OSBPL1A: variants seen among roughly 807,000 people sequenced by gnomAD.
OSBPL1A encodes oxysterol-binding protein-related protein 1.
Under a neutral mutation model 137.1 loss-of-function variants are expected in OSBPL1A, and 80 were observed. The ratio of observed to expected loss-of-function variants is 0.58; its 90% confidence interval spans 0.49 to 0.70. The LOEUF (loss-of-function observed/expected upper bound fraction) is 0.70. Among genes scored for constraint, OSBPL1A ranks in the 30% least tolerant of loss-of-function variants. The pLI is 0.00. For synonymous variants in OSBPL1A, 365 were observed against 389.7 expected, an observed-to-expected ratio of 0.94 and a Z score of 0.75; for missense variants, 970 against 1,129.4, an observed-to-expected ratio of 0.86 and a Z score of 2.02.
rs559973675 is a variant in OSBPL1A, at chr18:24,259,938, G to T, written c.1282-20556C>A. Among the ~76,000 whole-genome samples, 31 of 152,172 alleles carry T rather than the reference G, an allele frequency of 2.0e-4. 1 individual carries two copies. The highest frequency in any genetic ancestry group is 1.8e-3 in the Admixed American group (28 of 15,292). ...TTTGCAAATCATATATCTAACAAGG[G>T]TCTAGTATCTACAATATATACACAA... On this transcript the variant is annotated intron_variant, in intron 15 of 27. Transcript: ENST00000319481.
chr18:24,331,688 G>A (rs1243690931), intron 7 of OSBPL1A, among the ~76,000 whole-genome samples: 9 of 150,510 alleles, frequency 6.0e-5, no homozygotes, highest in East Asian at 3.9e-4. Context: ...GAGCCACCGC[G>A]CCCGGCGGCA....
intron 16 of OSBPL1A, among the ~76,000 whole-genome samples, chr18:24,226,887 ATTT>A (rs5823416): frequency 8.9e-5 from 9 of 100,850 alleles, no homozygotes; most frequent in Non-Finnish European, 9.7e-5. Flanking sequence ...AAAGAAACAG[ATTT>A]TTTTTTTTTT....
intron 14 of OSBPL1A, among the ~76,000 whole-genome samples, chr18:24,285,614 TCCTTAC>T (rs1368901064): frequency 2.0e-5 from 3 of 152,306 alleles, no homozygotes; most frequent in African/African-American, 7.2e-5. Context: ...TATTTCCCCA[TCCTTAC>T]CCTTCTGGTA....
intron 24 of OSBPL1A, among the ~76,000 whole-genome samples, chr18:24,168,385 T>C (rs2086193972): frequency 6.6e-6 from 1 of 152,176 alleles, no homozygotes; most frequent in South Asian, 2.1e-4. Context: ...CAACTAAATG[T>C]ATCGATGCCA....
intron 15 of OSBPL1A, among the ~76,000 whole-genome samples, chr18:24,273,974 C>T (rs2089784754): frequency 6.6e-6 from 1 of 152,140 alleles, no homozygotes; most frequent in South Asian, 2.1e-4. Flanking sequence ...TGGCTCACAC[C>T]TATAATCCCA....
chr18:24,202,710 G>C (rs896808652), intron 17 of OSBPL1A, among the ~76,000 whole-genome samples: 2 of 152,098 alleles, frequency 1.3e-5, no homozygotes, highest in African/African-American at 4.8e-5. Flanking sequence ...AGAACAAAAG[G>C]TAAATTTCTT....
chr18:24,165,778 T>C (rs746019042), intron 26 of OSBPL1A, among the ~76,000 whole-genome samples: 40 of 152,228 alleles, frequency 2.6e-4, no homozygotes, highest in Non-Finnish European at 4.9e-4. Context: ...TGAGAACCAC[T>C]GAGTTGGAAG....
At chr18:24,290,899 C>T (rs867055399) in intron 14 of OSBPL1A, among the ~76,000 whole-genome samples, 1 of 152,050 alleles carries the variant, frequency 6.6e-6, no homozygotes, top group African/African-American at 2.4e-5. Context: ...CTTGCCTAAG[C>T]TCTGGGTGGG....
chr18:24,358,327 C>A, intron 4 of OSBPL1A: 1 of 612,710 alleles, frequency 1.6e-6, no homozygotes, highest in Non-Finnish European at 2.9e-6. Flanking sequence ...AACTTTGAAG[C>A]ATCATCTCCT....
intron 27 of OSBPL1A, among the ~76,000 whole-genome samples, chr18:24,164,355 T>C (rs569866179): frequency 6.7e-6 from 1 of 148,512 alleles, no homozygotes. Flanking sequence ...AAAAGCAAGC[T>C]CATACACTCG....
intron 15 of OSBPL1A, among the ~76,000 whole-genome samples, chr18:24,250,878 C>A (rs1329616980): frequency 6.6e-6 from 1 of 152,168 alleles, no homozygotes; most frequent in Non-Finnish European, 1.5e-5. Flanking sequence ...GAGCCCACTG[C>A]CCTGAAGGGT....
chr18:24,201,032 T>C (rs150323888), intron 17 of OSBPL1A, among the ~76,000 whole-genome samples: 278 of 152,054 alleles, frequency 1.8e-3, no homozygotes, highest in Non-Finnish European at 3.0e-3. Flanking sequence ...GCAATCAGAA[T>C]TTTCAGGCTG....
chr18:24,264,755 T>C (rs983356984), intron 15 of OSBPL1A, among the ~76,000 whole-genome samples: 1 of 152,212 alleles, frequency 6.6e-6, no homozygotes, highest in African/African-American at 2.4e-5. Context: ...CCACATCCGC[T>C]TGGGCTGTCT....
chr18:24,279,476 A>G (rs1034287625), intron 15 of OSBPL1A, among the ~76,000 whole-genome samples: 2 of 152,200 alleles, frequency 1.3e-5, no homozygotes, highest in East Asian at 3.9e-4. Flanking sequence ...TCTAGTCATG[A>G]GAAAATAAAT....
intron 5 of OSBPL1A, among the ~76,000 whole-genome samples, chr18:24,337,679 A>G (rs2091199121): frequency 6.6e-6 from 1 of 151,748 alleles, no homozygotes. Context: ...GGGATTCTGG[A>G]TTAGATCCTA....
At chr18:24,219,887 A>T (rs1215405652) in intron 17 of OSBPL1A, among the ~76,000 whole-genome samples, 1 of 152,172 alleles carries the variant, frequency 6.6e-6, no homozygotes, top group Non-Finnish European at 1.5e-5. Context: ...TCTTCTTCCT[A>T]GTATACTTGA....
At chr18:24,313,892 A>T (rs1162452804) in intron 12 of OSBPL1A, among the ~76,000 whole-genome samples, 6 of 152,156 alleles carry the variant, frequency 3.9e-5, no homozygotes, top group Admixed American at 3.3e-4. Context: ...GCCTGAGCTC[A>T]GGAGTTTGAG....
intron 1 of OSBPL1A, among the ~76,000 whole-genome samples, chr18:24,378,399 CAAAT>C (rs1906350404): frequency 1.3e-5 from 2 of 152,322 alleles, no homozygotes; most frequent in African/African-American, 4.8e-5. Context: ...TTGGCAATAT[CAAAT>C]AAACTTCAAA....
intron 1 of OSBPL1A, among the ~76,000 whole-genome samples, chr18:24,392,790 A>G (rs1397597187): frequency 1.3e-5 from 2 of 152,146 alleles, no homozygotes; most frequent in African/African-American, 4.8e-5. Flanking sequence ...TCCTGGACTC[A>G]AGCAATCCTC....
Sources: gnomAD v4.1 joint callset for allele counts (sites outside exome capture counted in the v4.1 genomes callset) on GRCh38, gnomAD v4.1.1 for gene constraint, MANE v1.5 for transcripts, NCBI Gene and HGNC (gene_info 2026-07-23, HGNC 2026-07-21) for gene names.